Variants in KLHL36 observed in about 807,000 individuals in gnomAD.
The protein encoded by KLHL36 is kelch-like protein 36.
A neutral mutation model predicts 53.3 loss-of-function variants in KLHL36; 35 were observed. The observed-to-expected ratio is 0.66, with a 90% CI of 0.50 to 0.87. KLHL36 has a LOEUF of 0.87. KLHL36 is among the 40% of genes least tolerant of loss of function. The probability of loss-of-function intolerance (pLI) is 0.00; values close to 1 mark genes in which losing one functional copy is unlikely to be tolerated. For missense variants in KLHL36, 864 were observed against 897.6 expected, an observed-to-expected ratio of 0.96 and a Z score of 0.48; for synonymous variants, 472 against 398.9, an observed-to-expected ratio of 1.18 and a Z score of -2.18.
intron 3 of KLHL36, chr16:84,658,273 G>A (rs188805073): frequency 2.5e-5 from 6 of 237,342 alleles, no homozygotes; most frequent in Admixed American, 1.1e-4. Context: ...TGGCCAGTGC[G>A]ACTGAAGAAG....
intron 2 of KLHL36, 137 bp from the exon 3 acceptor site, chr16:84,656,734 G>A: frequency 4.5e-6 from 3 of 662,008 alleles, no homozygotes; most frequent in Non-Finnish European, 7.9e-6. Flanking sequence ...TGTACTTCCT[G>A]CAGTGCCCTC....
Position 84,653,840 on chromosome 16 carries a change from CAA to C in KLHL36, c.63+2928_63+2929del, listed in dbSNP as rs67608719. On this transcript the variant is annotated intron_variant, in intron 2 of 4. Coordinates refer to ENST00000564996, the MANE Select transcript of KLHL36 (RefSeq NM_024731.4). ...GGGCAACAGAGGGAGGCTCTGTATC[CAA>C]AAAAAAAAAAAAAAAAAGGGAACTC... is the stretch of plus-strand genomic sequence containing the variant. 1.7e-3 allele frequency among the ~76,000 whole-genome samples: 186 copies of C among 111,752 alleles called. 2 individuals carry two copies. The highest frequency in any genetic ancestry group is 4.4e-3 in the African/African-American group (127 of 28,794). The allele number at this position is 111,752 out of a possible 152,430, so 73.3% of individuals were successfully genotyped here.
At position 84,657,002 on chromosome 16, in the gene KLHL36, C is replaced by T. The variant is rs74338298; in HGVS notation, c.195C>T (p.Ala65=). The change falls in exon 3 of 5, where the codon GCC becomes GCT. Residue 65 remains alanine, a synonymous_variant. Coordinates refer to ENST00000564996, the MANE Select transcript of KLHL36 (RefSeq NM_024731.4). ...QRVPAHRNLL[A]VCSDYFNSMF... ...TGCCAGCCCATCGCAACCTGCTGGC[C>T]GTGTGCAGCGACTACTTCAACTCCA... The T allele has an allele frequency of 0.03, 48,090 of 1,614,092 alleles. 854 individuals carry two copies. The highest frequency in any genetic ancestry group is 0.038 in the South Asian group (3,498 of 91,088).
In KLHL36 at chr16:84,661,596, G is replaced by A. The variant is rs1409957000; in HGVS notation, c.1314G>A (p.Ala438=). The change falls in exon 5 of 5, where the codon GCG becomes GCA. Residue 438 remains alanine, a synonymous_variant. Transcript: ENST00000564996. The surrounding 1 kb of genome is among the most constrained non-coding windows in gnomAD (Gnocchi z 7.9). ...AGLPRFTYGH[A]GTIYKDFVYI... is the part of the protein sequence containing the mutation. ...CCTGCAGGTTCACGTACGGCCACGC[G>A]GGCACCATCTACAAAGACTTCGTGT... 1.4e-5 allele frequency: 22 copies of A among 1,599,172 alleles called. No homozygotes were observed. Among genetic ancestry groups the A allele is most frequent in the African/African-American group, 8.1e-5 (6 of 74,454 alleles).
intron 2 of KLHL36, among the ~76,000 whole-genome samples, chr16:84,652,505 G>A (rs953949192): frequency 3.9e-5 from 6 of 152,094 alleles, no homozygotes; most frequent in African/African-American, 9.7e-5. Flanking sequence ...TCTTGACCTC[G>A]TGACCCGCCA....
At chr16:84,653,280 C>G (rs568636806) in intron 2 of KLHL36, among the ~76,000 whole-genome samples, 1 of 152,146 alleles carries the variant, frequency 6.6e-6, no homozygotes, top group Non-Finnish European at 1.5e-5. Context: ...TACCTGGTAC[C>G]TGCCGCCTCC....
In KLHL36 at chr16:84,657,078, G is replaced by A. The variant is rs757436138; in HGVS notation, c.271G>A (p.Gly91Ser). 8 of 1,614,046 alleles carry A rather than the reference G, an allele frequency of 5.0e-6. No individual in the cohort carries two copies. Among genetic ancestry groups the A allele is most frequent in the Admixed American group, 1.7e-5 (1 of 60,002 alleles). The change falls in exon 3 of 5, where the codon GGC (glycine) becomes AGC (serine). Residue 91 changes from glycine to serine, a missense_variant. Transcript: ENST00000564996. ...EAFQKEVELI[G>S]ASYIGLKAVV... ...TTTCCAGAAGGAGGTGGAGCTGATC[G>A]GCGCCTCCTACATTGGGCTCAAGGC...
In KLHL36 at chr16:84,662,828, T is replaced by A. The variant is rs1306569617; in HGVS notation, c.*695T>A. The A allele has an allele frequency of 6.6e-6, 1 of 151,424 alleles. No homozygotes were observed. The highest frequency in any genetic ancestry group is 1.5e-5 in the Non-Finnish European group (1 of 67,804). The allele number at this position is 151,424 out of a possible 1,614,324, so 9.4% of individuals were successfully genotyped here. ...GTTCTCCGTATCAGGTGAACGCTGT[T>A]TCTGAATAATTCCGTCTTTCCTCAT... is the stretch of plus-strand genomic sequence containing the variant. On this transcript the variant is annotated 3_prime_UTR_variant, in exon 5 of 5. Coordinates refer to ENST00000564996, the MANE Select transcript of KLHL36 (RefSeq NM_024731.4).
At chr16:84,660,898 A>G (rs1377136141) in intron 4 of KLHL36, among the ~76,000 whole-genome samples, 2 of 152,198 alleles carry the variant, frequency 1.3e-5, no homozygotes, top group Non-Finnish European at 1.5e-5. Context: ...CTGGGATTAC[A>G]GGCATGAGCC....
rs570315718 is a variant in KLHL36, at chr16:84,661,753, C to T, written c.1471C>T (p.Leu491=). ...GCGCGGCTGGCACAGCATGTGCAGC[C>T]TGGGTGACAGCATCTACTCCATCGG... ...TARGWHSMCS[L]GDSIYSIGGS... is the part of the protein sequence containing the mutation. Residue 491 remains leucine (L), a synonymous_variant, in exon 5 of 5, where the codon CTG becomes TTG. Transcript: ENST00000564996. This position sits in a 1 kb window ranked among gnomAD's most constrained non-coding sequence, Gnocchi z 7.9. 5.1e-5 allele frequency: 82 copies of T among 1,613,470 alleles called. No homozygotes were observed. The Middle Eastern group carries it at 8.2e-4, about 16-fold the overall frequency.
In KLHL36 at chr16:84,661,836, C is replaced by G. The variant is rs7201417; in HGVS notation, c.1554C>G (p.Ala518=). 1.8e-3 allele frequency: 2,941 copies of G among 1,606,300 alleles called. 52 individuals are homozygous for G. The African/African-American group carries it at 0.035, about 19-fold the overall frequency. The change falls in exon 5 of 5, where the codon GCC becomes GCG. Residue 518 remains alanine (A), a synonymous_variant. Transcript: ENST00000564996. The surrounding 1 kb of genome is among the most constrained non-coding windows in gnomAD (Gnocchi z 7.9). ...GCTTCGACGTGCTGGGCGTGGAGGC[C>G]TACAGCCCGCAGTGCAACCAGTGGA... is the stretch of plus-strand genomic sequence containing the variant. ...MERFDVLGVE[A]YSPQCNQWTR... is the part of the protein sequence containing the mutation.
At chr16:84,656,603 GC>G (rs1907211501) in intron 2 of KLHL36, among the ~76,000 whole-genome samples, 1 of 142,956 alleles carries the variant, frequency 7.0e-6, no homozygotes, top group African/African-American at 2.6e-5. Flanking sequence ...CTGCACTCCA[GC>G]CTGGGCGACA....
chr16:84,657,012 G>T lies in KLHL36; in HGVS notation c.205G>T (p.Asp69Tyr). The T allele has an allele frequency of 2.5e-6, 4 of 1,614,074 alleles. No homozygotes were observed. Among genetic ancestry groups the T allele is most frequent in the Non-Finnish European group, 3.4e-6 (4 of 1,180,018 alleles). The change falls in exon 3 of 5, where the codon GAC (aspartate) becomes TAC (tyrosine). Residue 69 changes from aspartate to tyrosine, a missense_variant. By Grantham distance (160) the Asp-to-Tyr change is radical (BLOSUM62 -3). Transcript: ENST00000564996. Reference protein sequence around the residue: ...AHRNLLAVCSDYFNSMFTIGM... With the variant: ...AHRNLLAVCSYYFNSMFTIGM... The stretch of plus-strand genomic sequence containing the variant: ...TCGCAACCTGCTGGCCGTGTGCAGC[G>T]ACTACTTCAACTCCATGTTCACCAT...
At chr16:84,653,998 A>G (rs1907056844) in intron 2 of KLHL36, among the ~76,000 whole-genome samples, 1 of 152,194 alleles carries the variant, frequency 6.6e-6, no homozygotes, top group African/African-American at 2.4e-5. Flanking sequence ...TGGAAACAAC[A>G]CTGCTCTTGC....
In KLHL36 at chr16:84,661,797, C is replaced by G. The variant is rs201446278; in HGVS notation, c.1515C>G (p.Ile505Met). 2 of 1,612,038 alleles carry G rather than the reference C, an allele frequency of 1.2e-6. No homozygotes were observed. Among genetic ancestry groups the G allele is most frequent in the Non-Finnish European group, 1.7e-6 (2 of 1,178,650 alleles). The change falls in exon 5 of 5, where the codon ATC becomes ATG. Residue 505 changes from isoleucine to methionine, a missense_variant. Ile to Met is a conservative substitution (Grantham distance 10, BLOSUM62 1). Transcript: ENST00000564996. The surrounding 1 kb of genome is among the most constrained non-coding windows in gnomAD (Gnocchi z 7.9). ...CCATCGGGGGCAGCGATGACAACAT[C>G]GAGTCCATGGAGCGCTTCGACGTGC... is the stretch of plus-strand genomic sequence containing the variant. The part of the protein sequence containing the change: ...IYSIGGSDDN[I>M]ESMERFDVLG...
intron 3 of KLHL36, chr16:84,659,035 T>G (rs1407043504): frequency 6.6e-6 from 1 of 152,200 alleles, no homozygotes; most frequent in African/African-American, 2.4e-5. Flanking sequence ...ACAGAGTTGT[T>G]CTGTCACCCA....
intron 2 of KLHL36, among the ~76,000 whole-genome samples, chr16:84,655,732 A>G (rs781277535): frequency 1.6e-4 from 24 of 149,424 alleles, no homozygotes; most frequent in Non-Finnish European, 1.9e-4. Context: ...GTCGAACCAC[A>G]TAGCTGCTAA....
chr16:84,663,844 T>G lies in KLHL36; in HGVS notation c.*1711T>G, dbSNP rs556454999. On this transcript the variant is annotated 3_prime_UTR_variant, in exon 5 of 5. Coordinates refer to ENST00000564996, the MANE Select transcript of KLHL36 (RefSeq NM_024731.4). ...TAGCCATCCAGAAGAGATGAGAGCATTTTGGGGACTGAAAGCTTCAATAGC... is the reference window on the plus strand; with the variant it reads ...TAGCCATCCAGAAGAGATGAGAGCAGTTTGGGGACTGAAAGCTTCAATAGC... 2.0e-5 allele frequency: 3 copies of G among 152,330 alleles called. 1 individual carries two copies. The South Asian group carries it at 6.2e-4, about 32-fold the overall frequency. 9.4% of individuals were successfully genotyped at this position (152,330 alleles called of 1,614,324 possible). A position where few individuals can be genotyped will look rare whatever the true frequency, so the allele number is the denominator to read the frequency against.
At chr16:84,652,944 A>G (rs2150719887) in intron 2 of KLHL36, among the ~76,000 whole-genome samples, 1 of 152,192 alleles carries the variant, frequency 6.6e-6, no homozygotes, top group Non-Finnish European at 1.5e-5. Context: ...TCAGCCAGGC[A>G]CAGTGGCTCA....
Sources: gnomAD v4.1 joint callset for allele counts (sites outside exome capture counted in the v4.1 genomes callset) on GRCh38, gnomAD v4.1.1 for gene constraint, Gnocchi (gnomAD v3.1) non-coding constraint, MANE v1.5 for transcripts, NCBI Gene and HGNC (gene_info 2026-07-23, HGNC 2026-07-21) for gene names.